The following DCP1B variants were observed in gnomAD, a reference collection of about 807,000 sequenced individuals.
DCP1B encodes mRNA-decapping enzyme 1B.
DCP1B carries 47 observed loss-of-function variants against 60.5 expected under a neutral mutation model. That is an observed-to-expected ratio of 0.78 (90% CI 0.61 to 0.99). The LOEUF (loss-of-function observed/expected upper bound fraction) is 0.99. Ranked by LOEUF, DCP1B falls within the 50% of genes least tolerant of loss-of-function variation. The pLI is 0.00. For missense variants in DCP1B, 725 were observed against 756.8 expected (o/e 0.96, Z 0.49); for synonymous variants, 267 against 280.3 (o/e 0.95, Z 0.47).
intron 5 of DCP1B, among the ~76,000 whole-genome samples, chr12:1,958,435 AAC>A (rs1431965441): frequency 1.5e-5 from 1 of 65,636 alleles, no homozygotes; most frequent in Non-Finnish European, 3.0e-5. Context: ...CCTGGAAGGA[AAC>A]AGGGGAAAAG....
At chr12:1,989,953 C>T (rs1001734490) in intron 3 of DCP1B, among the ~76,000 whole-genome samples, 6 of 152,188 alleles carry the variant, frequency 3.9e-5, no homozygotes, top group Non-Finnish European at 7.3e-5. Flanking sequence ...ATGCTTGAAT[C>T]TCAAGGCTAA....
At position 1,965,774 on chromosome 12, in the gene DCP1B, T is replaced by C. The variant is rs116312871; in HGVS notation, c.387-81A>G. 4.5e-4 allele frequency: 662 copies of C among 1,458,494 alleles called. 5 individuals carry two copies. In the African/African-American group the frequency reaches 9.0e-3, roughly 20 times the overall value. 90.3% of individuals were successfully genotyped at this position (1,458,494 alleles called of 1,614,324 possible). On this transcript the variant is annotated intron_variant, in intron 4 of 8. Transcript: ENST00000280665. ...GTTTAAAACCATCCCAATTCTCACC[T>C]AGTTGTTTTCATCCTGTTACAACCA...
At chr12:1,998,811 A>G (rs1458727960) in intron 1 of DCP1B, among the ~76,000 whole-genome samples, 5 of 152,202 alleles carry the variant, frequency 3.3e-5, no homozygotes, top group Admixed American at 2.0e-4. Context: ...CAGAATTTAA[A>G]ATGTACTTTT....
intron 5 of DCP1B, among the ~76,000 whole-genome samples, chr12:1,958,392 G>A (rs570012135): frequency 2.2e-5 from 3 of 134,092 alleles, no homozygotes; most frequent in South Asian, 5.0e-4. Context: ...GCTCCCTAAC[G>A]TCGCTCTGGG....
At chr12:1,944,297 T>C (rs2030353078), downstream of DCP1B, among the ~76,000 whole-genome samples, 4 of 152,072 alleles carry the variant, frequency 2.6e-5, no homozygotes, top group Non-Finnish European at 1.5e-5. Flanking sequence ...CACAAAGAAA[T>C]GGAAAAACAT....
At chr12:1,964,985 T>C (rs12309022) in intron 5 of DCP1B, among the ~76,000 whole-genome samples, 7,847 of 152,060 alleles carry the variant, frequency 0.052, 657 homozygotes, top group African/African-American at 0.18. Context: ...ACTCAACTTG[T>C]CTAGATCAGA....
chr12:1,961,497 C>T (rs1048671089), intron 5 of DCP1B: 1 of 152,204 alleles, frequency 6.6e-6, no homozygotes, highest in Non-Finnish European at 1.5e-5. Flanking sequence ...TACAGAAAAG[C>T]ACCTTCTATA....
At position 1,953,281 on chromosome 12, in the gene DCP1B, T is replaced by C. The variant is rs202109691; in HGVS notation, c.659A>G (p.Asp220Gly). ...CAAGGATAAGTGTTGGGGTTCAGGG[T>C]CTAAGGTCTGGAAAAAATAAAGATA... Reference protein sequence around the residue: ...QRIPQPNQTLDPEPQHLSLTA... With the variant: ...QRIPQPNQTLGPEPQHLSLTA... The change falls in exon 7 of 9, where the codon GAC becomes GGC. Residue 220 changes from aspartate to glycine, a missense_variant. By Grantham distance (94) the Asp-to-Gly change is moderately conservative. Coordinates refer to ENST00000280665, the MANE Select transcript of DCP1B (RefSeq NM_152640.5). 1.9e-6 allele frequency: 3 copies of C among 1,572,982 alleles called. No individual in the cohort carries two copies. The highest frequency in any genetic ancestry group is 2.6e-6 in the Non-Finnish European group (3 of 1,166,290).
At chr12:1,996,658 A>AAC (rs2040980611) in intron 2 of DCP1B, among the ~76,000 whole-genome samples, 1 of 74,032 alleles carries the variant, frequency 1.4e-5, no homozygotes, top group Non-Finnish European at 2.7e-5. Context: ...AAAAAAAACA[A>AAC]CAAACTCTTC....
In DCP1B at chr12:1,953,297, A is replaced by T. The variant is rs749374132; in HGVS notation, c.652-9T>A. 1.3e-6 allele frequency: 2 copies of T among 1,555,246 alleles called. No individual in the cohort carries two copies. Among genetic ancestry groups the T allele is most frequent in the Middle Eastern group, 1.7e-4 (1 of 5,816 alleles). On this transcript the variant is annotated splice_polypyrimidine_tract_variant and intron_variant, in intron 6 of 8. Transcript: ENST00000280665. The stretch of plus-strand genomic sequence containing the variant: ...GGTTCAGGGTCTAAGGTCTGGAAAA[A>T]ATAAAGATATCTGACATGAGTCTAC...
Position 1,971,880 on chromosome 12 carries a change from A to T in DCP1B, c.320-3970T>A, listed in dbSNP as rs940853790. 1.3e-5 allele frequency among the ~76,000 whole-genome samples: 2 copies of T among 152,220 alleles called. No individual in the cohort carries two copies. Among genetic ancestry groups the T allele is most frequent in the Non-Finnish European group, 2.9e-5 (2 of 68,032 alleles). ...TTTACCCAAATACCATACAACTCCA[A>T]ATCATGAATGATAGCTTGTAATCGT... is the stretch of plus-strand genomic sequence containing the variant. On this transcript the variant is annotated intron_variant, in intron 3 of 8. Coordinates refer to ENST00000280665, the MANE Select transcript of DCP1B (RefSeq NM_152640.5). This position sits in a 1 kb window ranked among gnomAD's most constrained non-coding sequence, Gnocchi z 4.2.
chr12:1,964,270 A>T (rs2031222434), intron 5 of DCP1B, among the ~76,000 whole-genome samples: 1 of 152,040 alleles, frequency 6.6e-6, no homozygotes, highest in South Asian at 2.1e-4. Flanking sequence ...ATTTTTAAAA[A>T]TTTTTATTTT....
At position 1,962,134 on chromosome 12, in the gene DCP1B, T is replaced by C. The variant is rs988957373; in HGVS notation, c.522+3424A>G. 2.6e-5 allele frequency among the ~76,000 whole-genome samples: 4 copies of C among 152,312 alleles called. No homozygotes were observed. Among genetic ancestry groups the C allele is most frequent in the East Asian group, 1.9e-4 (1 of 5,184 alleles). Reference sequence around the variant, plus strand: ...GCAGGGCATGGTAAACAGGTTAAGATTGGCCAGTTTGAATAACTCCAGCAG... The same window carrying C: ...GCAGGGCATGGTAAACAGGTTAAGACTGGCCAGTTTGAATAACTCCAGCAG... On this transcript the variant is annotated intron_variant, in intron 5 of 8. Coordinates refer to ENST00000280665, the MANE Select transcript of DCP1B (RefSeq NM_152640.5). This position sits in a 1 kb window ranked among gnomAD's most constrained non-coding sequence, Gnocchi z 4.4.
Position 1,968,308 on chromosome 12 carries a change from C to T in DCP1B, c.320-398G>A, listed in dbSNP as rs1008594361. ...TGGAGGTTGCTGTGAGCCAGGATCG[C>T]GCCATTGGACGCCAGCCTGGATGAA... is the stretch of plus-strand genomic sequence containing the variant. On this transcript the variant is annotated intron_variant, in intron 3 of 8. Coordinates refer to ENST00000280665, the MANE Select transcript of DCP1B (RefSeq NM_152640.5). Among the ~76,000 whole-genome samples, 4 of 150,380 alleles carry T rather than the reference C, an allele frequency of 2.7e-5. No homozygotes were observed. In the East Asian group the frequency reaches 5.9e-4, roughly 22 times the overall value.
At chr12:1,976,445 A>C (rs946291168) in intron 3 of DCP1B, among the ~76,000 whole-genome samples, 1 of 152,142 alleles carries the variant, frequency 6.6e-6, no homozygotes, top group Non-Finnish European at 1.5e-5. Flanking sequence ...CACTCCTCTC[A>C]CATACAGTAA....
chr12:1,994,009 A>C (rs2040190690), intron 2 of DCP1B, among the ~76,000 whole-genome samples: 1 of 152,130 alleles, frequency 6.6e-6, no homozygotes, highest in Non-Finnish European at 1.5e-5. Flanking sequence ...ACAGCTTCAC[A>C]GATAAACCAC....
chr12:1,982,063 G>A (rs1423765933), intron 3 of DCP1B, among the ~76,000 whole-genome samples: 1 of 152,128 alleles, frequency 6.6e-6, no homozygotes, highest in African/African-American at 2.4e-5. Context: ...ATTTTGAGAA[G>A]GAAAGCAAAT....
chr12:1,952,909 C>A lies in DCP1B; in HGVS notation c.1031G>T (p.Arg344Leu), dbSNP rs715146. Residue 344 changes from arginine (R) to leucine (L), a missense_variant, in exon 7 of 9, where the codon CGT becomes CTT. By Grantham distance (102) the Arg-to-Leu change is moderately radical. Transcript: ENST00000280665. ...PGSPHNIGTS[R>L]GVQNASRTQN... The stretch of plus-strand genomic sequence containing the variant: ...AGTTCTGGAAGCATTTTGTACACCA[C>A]GAGAAGTTCCAATGTTGTGAGGAGA... 6.2e-7 allele frequency: 1 copy of A among 1,614,140 alleles called. No individual in the cohort carries two copies. The highest frequency in any genetic ancestry group is 1.3e-5 in the African/African-American group (1 of 75,028).
intron 1 of DCP1B, 55 bp downstream of exon 1, chr12:2,004,227 C>A (rs747593881): frequency 1.9e-6 from 3 of 1,601,176 alleles, no homozygotes; most frequent in Admixed American, 1.7e-5. Flanking sequence ...GAGTCTGACG[C>A]CCCCCGCCTC....
Sources: gnomAD v4.1 joint callset for allele counts (sites outside exome capture counted in the v4.1 genomes callset) on GRCh38, gnomAD v4.1.1 for gene constraint, Gnocchi (gnomAD v3.1) non-coding constraint, MANE v1.5 for transcripts, NCBI Gene and HGNC (gene_info 2026-07-23, HGNC 2026-07-21) for gene names.